Variants in PRKN observed in about 807,000 individuals in gnomAD.
The protein encoded by PRKN is parkin RBR E3 ubiquitin protein ligase, also known as E3 ubiquitin-protein ligase parkin.
In PRKN, 56 loss-of-function variants were observed where a neutral mutation model predicts 59.5. That is an observed-to-expected ratio of 0.94 (90% CI 0.76 to 1.18). The LOEUF (loss-of-function observed/expected upper bound fraction) is 1.18. Ranked by LOEUF, PRKN falls within the 50% of genes most tolerant of loss-of-function variation. The pLI, the probability that PRKN is intolerant of heterozygous loss-of-function variation, is 0.00. For synonymous variants in PRKN, 250 were observed against 222.1 expected, an observed-to-expected ratio of 1.13 and a Z score of -1.12; for missense variants, 657 against 596.4, an observed-to-expected ratio of 1.10 and a Z score of -1.06.
At chr6:162,640,825 C>G (rs952383624) in intron 1 of PRKN, among the ~76,000 whole-genome samples, 4 of 152,160 alleles carry the variant, frequency 2.6e-5, no homozygotes, top group Non-Finnish European at 5.9e-5. Context: ...AGGTTCTGAA[C>G]TCCCCTTTGC....
At position 161,731,944 on chromosome 6, in the gene PRKN, A is replaced by AT. The variant is rs1159940844; in HGVS notation, c.871+53827dup. On this transcript the variant is annotated intron_variant, in intron 7 of 11. Coordinates refer to ENST00000366898, the MANE Select transcript of PRKN (RefSeq NM_004562.3). ...AGCCATTACATTTACTTTTTTTGGT[A>AT]TTTTTTTTTAACTTTTGTTTTAGAT... Among the ~76,000 whole-genome samples, 229 of 150,992 alleles carry AT rather than the reference A, an allele frequency of 1.5e-3. 1 individual carries two copies. Among genetic ancestry groups the AT allele is most frequent in the African/African-American group, 5.2e-3 (215 of 41,180 alleles).
At chr6:162,044,672 C>T (rs9458440) in intron 5 of PRKN, among the ~76,000 whole-genome samples, 62,310 of 151,952 alleles carry the variant, frequency 0.41, 13,535 homozygotes, top group Admixed American at 0.49. Context: ...AGTAGGATTA[C>T]GGAATGCATG....
intron 4 of PRKN, among the ~76,000 whole-genome samples, chr6:162,119,540 T>C (rs533282431): frequency 3.8e-4 from 58 of 152,256 alleles, no homozygotes; most frequent in African/African-American, 1.3e-3. Context: ...GGAACTTCCT[T>C]ATTCCTGTCT....
chr6:162,218,806 C>T (rs1777809555), intron 3 of PRKN, among the ~76,000 whole-genome samples: 1 of 152,042 alleles, frequency 6.6e-6, no homozygotes, highest in South Asian at 2.1e-4. Context: ...CACTCATGTT[C>T]CTCCGTGGCA....
rs187561327 is a variant in PRKN at position 161,464,675 on chromosome 6, C to G, written c.1084-77798G>C. Among the ~76,000 whole-genome samples, 182 of 152,246 alleles carry G rather than the reference C, an allele frequency of 1.2e-3. 2 individuals are homozygous for G. Among genetic ancestry groups the G allele is most frequent in the African/African-American group, 4.3e-3 (178 of 41,542 alleles). On this transcript the variant is annotated intron_variant, in intron 9 of 11. Coordinates refer to ENST00000366898, the MANE Select transcript of PRKN (RefSeq NM_004562.3). The stretch of plus-strand genomic sequence containing the variant: ...TTGGTAATTTCTCAGAAAGTGTAAA[C>G]TCATGTTCATTAGCAGACAAATAGA...
Position 161,360,349 on chromosome 6 carries a change from A to T in PRKN, c.1168-144T>A. On this transcript the variant is annotated intron_variant, in intron 10 of 11. Transcript: ENST00000366898. The surrounding 1 kb of genome is among the most constrained non-coding windows in gnomAD (Gnocchi z 5.1). ...AGCCTAAATATCAATGCACTTGACA[A>T]ATGCTAGACAGCTACTAGGCGGATG... 1 of 727,004 alleles carries T rather than the reference A, an allele frequency of 1.4e-6. No homozygotes were observed. Among genetic ancestry groups the T allele is most frequent in the Non-Finnish European group, 2.5e-6 (1 of 399,962 alleles). 45.0% of individuals were successfully genotyped at this position (727,004 alleles called of 1,614,324 possible). A position where few individuals can be genotyped will look rare whatever the true frequency, so the allele number is the denominator to read the frequency against.
intron 2 of PRKN, among the ~76,000 whole-genome samples, chr6:162,277,588 T>C (rs939054054): frequency 6.6e-6 from 1 of 152,074 alleles, no homozygotes; most frequent in Non-Finnish European, 1.5e-5. Flanking sequence ...AAACAACCTT[T>C]AAAACTCATC....
At chr6:161,505,052 G>A (rs373121595) in intron 9 of PRKN, among the ~76,000 whole-genome samples, 1 of 151,668 alleles carries the variant, frequency 6.6e-6, no homozygotes, top group Non-Finnish European at 1.5e-5. Flanking sequence ...TAATGGGATG[G>A]CTGGGTCAAA....
intron 1 of PRKN, among the ~76,000 whole-genome samples, chr6:162,477,094 A>G (rs954118032): frequency 6.6e-6 from 1 of 152,224 alleles, no homozygotes; most frequent in Non-Finnish European, 1.5e-5. Flanking sequence ...GAGCAAATAC[A>G]CTTGACTCTT....
At chr6:162,593,530 C>A (rs1349393316) in intron 1 of PRKN, among the ~76,000 whole-genome samples, 1 of 152,166 alleles carries the variant, frequency 6.6e-6, no homozygotes, top group African/African-American at 2.4e-5. Flanking sequence ...TCACTGAAAT[C>A]TCACAATACG....
rs1449057849 is a variant in PRKN at position 161,656,782 on chromosome 6, C to A, written c.872-87366G>T. 3.3e-5 allele frequency among the ~76,000 whole-genome samples: 5 copies of A among 152,162 alleles called. No individual in the cohort carries two copies. In the South Asian group the frequency reaches 1.0e-3, roughly 32 times the overall value. On this transcript the variant is annotated intron_variant, in intron 7 of 11. Transcript: ENST00000366898. ...AATTTATCTTCTCCAAAATACTCAC[C>A]AGCATCTAAAATTATCTTATTGATT...
intron 1 of PRKN, among the ~76,000 whole-genome samples, chr6:162,686,948 G>A (rs1777582511): frequency 6.6e-6 from 1 of 152,148 alleles, no homozygotes; most frequent in Admixed American, 6.5e-5. Flanking sequence ...GTCAGGAAAT[G>A]TGATGCCTGC....
chr6:161,636,652 GGGAGGCTGA>G (rs1464842339), intron 7 of PRKN, among the ~76,000 whole-genome samples: 1 of 152,202 alleles, frequency 6.6e-6, no homozygotes, highest in Non-Finnish European at 1.5e-5. Context: ...AAGCCACTGT[GGGAGGCTGA>G]GGCAGGATGA....
At chr6:162,390,881 TTAAA>T (rs1463324203) in intron 2 of PRKN, among the ~76,000 whole-genome samples, 1 of 152,158 alleles carries the variant, frequency 6.6e-6, no homozygotes, top group East Asian at 1.9e-4. Context: ...AAAACAGAAG[TTAAA>T]TAAGAAGAAA....
chr6:162,138,151 T>C (rs1307223422), intron 4 of PRKN, among the ~76,000 whole-genome samples: 2 of 152,172 alleles, frequency 1.3e-5, no homozygotes, highest in Admixed American at 6.5e-5. Context: ...AATTTGCGGA[T>C]AGACTACCTT....
chr6:161,585,999 A>G (rs1234710115), intron 7 of PRKN, among the ~76,000 whole-genome samples: 2 of 152,052 alleles, frequency 1.3e-5, no homozygotes, highest in Admixed American at 6.5e-5. Context: ...CAAACATGCA[A>G]TTCTGTGCCT....
chr6:162,436,849 T>C (rs1405647884), intron 2 of PRKN, among the ~76,000 whole-genome samples: 1 of 151,924 alleles, frequency 6.6e-6, no homozygotes, highest in East Asian at 2.0e-4. Context: ...CTCAGCACTT[T>C]GGGAGGACAA....
intron 2 of PRKN, among the ~76,000 whole-genome samples, chr6:162,395,260 A>T (rs1787419204): frequency 6.6e-6 from 1 of 152,178 alleles, no homozygotes; most frequent in African/African-American, 2.4e-5. Context: ...TATGTGCTAG[A>T]TTATATAAAG....
intron 7 of PRKN, among the ~76,000 whole-genome samples, chr6:161,634,305 C>T (rs1783434048): frequency 6.6e-6 from 1 of 152,208 alleles, no homozygotes; most frequent in Admixed American, 6.5e-5. Flanking sequence ...AGGCCTGTAG[C>T]AGGGCAGCGG....
Sources: gnomAD v4.1 joint callset for allele counts (sites outside exome capture counted in the v4.1 genomes callset) on GRCh38, gnomAD v4.1.1 for gene constraint, Gnocchi (gnomAD v3.1) non-coding constraint, MANE v1.5 for transcripts, NCBI Gene and HGNC (gene_info 2026-07-23, HGNC 2026-07-21) for gene names.